Variants in ABTB3 observed in about 807,000 individuals in gnomAD.
ABTB3 encodes the protein ankyrin repeat and BTB domain containing 3, also known as ankyrin repeat- and BTB/POZ domain-containing protein 3.
At chr12:107,319,189 C>A in the ABTB3 span, 1 of 1,595,876 alleles carries the variant, frequency 6.3e-7, no homozygotes, top group South Asian at 1.1e-5. Flanking sequence ...TGGACTGCGC[C>A]GGCCAGCACT....
At chr12:107,580,945 C>T in the ABTB3 span, 11 of 1,551,644 alleles carry the variant, frequency 7.1e-6, no homozygotes, top group Middle Eastern at 1.7e-4. Flanking sequence ...GAGAGCCTGC[C>T]CCGGGGTCAC....
chr12:107,556,282 G>T, the ABTB3 span, among the ~76,000 whole-genome samples: 1 of 152,004 alleles, frequency 6.6e-6, no homozygotes, highest in African/African-American at 2.4e-5. Context: ...TTTTAGTAGA[G>T]ACAGGGTTTT....
chr12:107,450,338 A>G, the ABTB3 span, among the ~76,000 whole-genome samples: 1 of 152,188 alleles, frequency 6.6e-6, no homozygotes, highest in Non-Finnish European at 1.5e-5. Flanking sequence ...AAGGCAAACT[A>G]AATGGAGAAG....
the ABTB3 span, among the ~76,000 whole-genome samples, chr12:107,432,793 G>C: frequency 4.6e-5 from 7 of 152,184 alleles, no homozygotes; most frequent in Non-Finnish European, 8.8e-5. Flanking sequence ...CTGTATAGGA[G>C]AGGCTCAGTT....
At chr12:107,353,451 A>C in the ABTB3 span, among the ~76,000 whole-genome samples, 1 of 152,186 alleles carries the variant, frequency 6.6e-6, no homozygotes, top group Non-Finnish European at 1.5e-5. Flanking sequence ...CTGGGTTCAA[A>C]TTCTGGCTTT....
At chr12:107,359,038 G>A in the ABTB3 span, among the ~76,000 whole-genome samples, 1 of 152,230 alleles carries the variant, frequency 6.6e-6, no homozygotes, top group Admixed American at 6.5e-5. Flanking sequence ...GGCAGCAGCA[G>A]GTGTGGCATG....
chr12:107,361,857 C>T, the ABTB3 span, among the ~76,000 whole-genome samples: 2 of 152,060 alleles, frequency 1.3e-5, 1 homozygote, highest in Admixed American at 1.3e-4. Context: ...TTAGGAGGTG[C>T]GGCCTTTGGG....
the ABTB3 span, among the ~76,000 whole-genome samples, chr12:107,469,951 TCTTTCTTTC>T: frequency 2.6e-5 from 1 of 38,770 alleles, no homozygotes; most frequent in Non-Finnish European, 4.6e-5. Context: ...TCTCTTTCTT[TCTTTCTTTC>T]TTTCTTTCTT....
At chr12:107,624,931 C>G in the ABTB3 span, among the ~76,000 whole-genome samples, 408 of 152,252 alleles carry the variant, frequency 2.7e-3, 8 homozygotes, top group East Asian at 0.045. Context: ...AGTGACTGTA[C>G]CCTTTTACAT....
At chr12:107,596,485 T>C in the ABTB3 span, among the ~76,000 whole-genome samples, 5 of 152,126 alleles carry the variant, frequency 3.3e-5, no homozygotes, top group Non-Finnish European at 7.3e-5. Flanking sequence ...TGGTAGTGGA[T>C]GACTGTAATC....
At chr12:107,460,149 T>C in the ABTB3 span, among the ~76,000 whole-genome samples, 1 of 152,220 alleles carries the variant, frequency 6.6e-6, no homozygotes, top group Non-Finnish European at 1.5e-5. Context: ...AGTGTTCTTT[T>C]CCTGCAAAGA....
chr12:107,334,417 G>A, the ABTB3 span, among the ~76,000 whole-genome samples: 1 of 152,120 alleles, frequency 6.6e-6, no homozygotes, highest in South Asian at 2.1e-4. Flanking sequence ...GGGAATGAGG[G>A]GGGTTAAGGA....
At chr12:107,478,973 C>T in the ABTB3 span, among the ~76,000 whole-genome samples, 24 of 152,294 alleles carry the variant, frequency 1.6e-4, no homozygotes, top group African/African-American at 5.5e-4. Context: ...GCTTGAGGTT[C>T]TTCCCAGAGA....
the ABTB3 span, among the ~76,000 whole-genome samples, chr12:107,545,556 A>T: frequency 6.6e-6 from 1 of 152,026 alleles, no homozygotes; most frequent in Admixed American, 6.6e-5. Context: ...TCTTCTTTTT[A>T]TTTAAGAATC....
chr12:107,619,725 T>C, the ABTB3 span, among the ~76,000 whole-genome samples: 5 of 152,158 alleles, frequency 3.3e-5, no homozygotes, highest in African/African-American at 7.2e-5. Flanking sequence ...CCTCTAATAA[T>C]ATGAGCAGCA....
chr12:107,559,199 A>G, the ABTB3 span, among the ~76,000 whole-genome samples: 1 of 152,228 alleles, frequency 6.6e-6, no homozygotes, highest in Non-Finnish European at 1.5e-5. Flanking sequence ...TGACAAGCCC[A>G]TGGCTGAGTG....
At chr12:107,333,881 G>T in the ABTB3 span, among the ~76,000 whole-genome samples, 3 of 152,328 alleles carry the variant, frequency 2.0e-5, no homozygotes, top group Admixed American at 6.5e-5. Flanking sequence ...GTAGGGGATG[G>T]TTGCAATGAT....
the ABTB3 span, among the ~76,000 whole-genome samples, chr12:107,529,846 G>A: frequency 6.6e-6 from 1 of 152,192 alleles, no homozygotes; most frequent in Admixed American, 6.5e-5. Context: ...ACAGGACAAT[G>A]GATGAGGCAT....
At chr12:107,504,252 A>G in the ABTB3 span, among the ~76,000 whole-genome samples, 1 of 152,192 alleles carries the variant, frequency 6.6e-6, no homozygotes, top group African/African-American at 2.4e-5. Context: ...AGTTCTTTAT[A>G]TCAGTGTGCA....
Sources: allele counts gnomAD v4.1 joint callset (sites outside exome capture counted in the v4.1 genomes callset), GRCh38; gene constraint gnomAD v4.1.1; transcripts MANE v1.5; gene names NCBI Gene and HGNC (gene_info 2026-07-23, HGNC 2026-07-21).